ADAMTSL3: variants seen among roughly 807,000 people sequenced by gnomAD.
ADAMTSL3 encodes ADAMTS-like protein 3.
ADAMTSL3 carries 128 observed loss-of-function variants against 201.7 expected under a neutral mutation model. The ratio of observed to expected loss-of-function variants is 0.63; its 90% CI spans 0.55 to 0.73. The LOEUF (loss-of-function observed/expected upper bound fraction) is 0.73. Ranked by LOEUF, ADAMTSL3 falls within the 30% of genes least tolerant of loss-of-function variation. ADAMTSL3 has a pLI of 0.00. For synonymous variants in ADAMTSL3, 738 were observed against 748.4 expected, an observed-to-expected ratio of 0.99 and a Z score of 0.23; for missense variants, 1,990 against 2,119.6, an observed-to-expected ratio of 0.94 and a Z score of 1.20.
At chr15:83,956,330 C>T (rs1332664801) in intron 19 of ADAMTSL3, among the ~76,000 whole-genome samples, 1 of 152,230 alleles carries the variant, frequency 6.6e-6, no homozygotes, top group East Asian at 1.9e-4. Flanking sequence ...GCCATCTTTT[C>T]TGCCTTCTTC....
intron 4 of ADAMTSL3, among the ~76,000 whole-genome samples, chr15:83,801,852 T>C (rs2141856098): frequency 6.6e-6 from 1 of 150,618 alleles, no homozygotes; most frequent in African/African-American, 2.4e-5. Context: ...AGACCTTGAG[T>C]ATTCCATTCA....
chr15:84,011,630 G>A (rs889421332), intron 23 of ADAMTSL3, among the ~76,000 whole-genome samples: 1 of 151,940 alleles, frequency 6.6e-6, no homozygotes, highest in Admixed American at 6.6e-5. Context: ...GAAATCAGAA[G>A]TATACATATT....
At chr15:83,689,982 A>G (rs1391455009) in intron 2 of ADAMTSL3, among the ~76,000 whole-genome samples, 1 of 152,178 alleles carries the variant, frequency 6.6e-6, no homozygotes, top group Non-Finnish European at 1.5e-5. Context: ...AGGACTATTG[A>G]GATTTTCCTC....
chr15:83,687,500 G>T (rs1390927808), intron 2 of ADAMTSL3, among the ~76,000 whole-genome samples: 1 of 152,072 alleles, frequency 6.6e-6, no homozygotes, highest in Non-Finnish European at 1.5e-5. Flanking sequence ...CTGGGAAAAG[G>T]TGGGATCAGT....
intron 3 of ADAMTSL3, among the ~76,000 whole-genome samples, chr15:83,713,383 G>A (rs1355145470): frequency 6.6e-6 from 1 of 152,162 alleles, no homozygotes; most frequent in Non-Finnish European, 1.5e-5. Flanking sequence ...GTTGTGGCCT[G>A]TCCTCCTCAG....
At chr15:83,768,429 T>C (rs1161248079) in intron 3 of ADAMTSL3, among the ~76,000 whole-genome samples, 1 of 152,188 alleles carries the variant, frequency 6.6e-6, no homozygotes, top group Non-Finnish European at 1.5e-5. Context: ...TTAGGTTTTA[T>C]CTGAAGAAAC....
chr15:83,916,642 T>G (rs2066037861), intron 16 of ADAMTSL3, among the ~76,000 whole-genome samples: 1 of 152,040 alleles, frequency 6.6e-6, no homozygotes, highest in African/African-American at 2.4e-5. Flanking sequence ...ACCAAAATCC[T>G]TTATAAAGGC....
At chr15:83,887,870 C>T (rs1028690240) in intron 10 of ADAMTSL3, among the ~76,000 whole-genome samples, 3 of 152,212 alleles carry the variant, frequency 2.0e-5, no homozygotes, top group Non-Finnish European at 4.4e-5. Flanking sequence ...GGAGTGCAGG[C>T]GTGTGCCACC....
chr15:84,023,813 A>G (rs911311398), intron 26 of ADAMTSL3, among the ~76,000 whole-genome samples: 2 of 152,188 alleles, frequency 1.3e-5, no homozygotes, highest in African/African-American at 2.4e-5. Context: ...AAGGCTTCTC[A>G]TCATTTCTGT....
chr15:83,948,353 T>A (rs2066695631), intron 19 of ADAMTSL3, among the ~76,000 whole-genome samples: 1 of 151,358 alleles, frequency 6.6e-6, no homozygotes, highest in Admixed American at 6.6e-5. Flanking sequence ...TCATGGCTAT[T>A]TCCTCCAAGA....
intron 4 of ADAMTSL3, among the ~76,000 whole-genome samples, chr15:83,778,929 CAAAA>C (rs937207144): frequency 6.6e-6 from 1 of 151,906 alleles, no homozygotes; most frequent in African/African-American, 2.4e-5. Context: ...AAAAATCTAC[CAAAA>C]AAATGGAAAA....
At chr15:84,033,352 A>T (rs1024410828) in intron 28 of ADAMTSL3, among the ~76,000 whole-genome samples, 2 of 152,200 alleles carry the variant, frequency 1.3e-5, no homozygotes, top group Non-Finnish European at 2.9e-5. Context: ...CAAATCCTCA[A>T]TGTGACCTAT....
chr15:84,024,213 G>A (rs1311807537), intron 26 of ADAMTSL3, among the ~76,000 whole-genome samples: 5 of 152,136 alleles, frequency 3.3e-5, no homozygotes, highest in African/African-American at 4.8e-5. Flanking sequence ...CCGAGGTTGC[G>A]CCACTGCACT....
intron 21 of ADAMTSL3, among the ~76,000 whole-genome samples, chr15:83,985,743 C>T (rs2067463435): frequency 6.6e-6 from 1 of 152,106 alleles, no homozygotes; most frequent in Non-Finnish European, 1.5e-5. Flanking sequence ...AGTGATTCTC[C>T]TGCTTCAGCC....
intron 9 of ADAMTSL3, among the ~76,000 whole-genome samples, chr15:83,878,720 G>A (rs1386104060): frequency 1.3e-5 from 2 of 152,028 alleles, no homozygotes; most frequent in East Asian, 3.8e-4. Context: ...TTTCACTTAA[G>A]GTTTTTGTTG....
At chr15:83,671,042 ATT>A (rs1026374594) in intron 2 of ADAMTSL3, among the ~76,000 whole-genome samples, 2 of 149,454 alleles carry the variant, frequency 1.3e-5, no homozygotes, top group African/African-American at 4.9e-5. Context: ...GCCATGATAT[ATT>A]GTTTTTTTTA....
intron 4 of ADAMTSL3, among the ~76,000 whole-genome samples, chr15:83,779,014 A>T (rs2063123918): frequency 6.6e-6 from 1 of 152,234 alleles, no homozygotes; most frequent in Non-Finnish European, 1.5e-5. Context: ...ATTTAAAAAG[A>T]CGAAGGGTAT....
At chr15:83,745,196 T>C (rs905832947) in intron 3 of ADAMTSL3, among the ~76,000 whole-genome samples, 2 of 152,216 alleles carry the variant, frequency 1.3e-5, no homozygotes, top group Admixed American at 6.5e-5. Context: ...ATCACCTTCC[T>C]GGTCCATCCC....
At chr15:83,677,729 A>G (rs7169085) in intron 2 of ADAMTSL3, among the ~76,000 whole-genome samples, 10,083 of 152,046 alleles carry the variant, frequency 0.066, 1,083 homozygotes, top group African/African-American at 0.23. Flanking sequence ...GCCCATCTCT[A>G]TCTGGTATAT....
Sources: allele counts gnomAD v4.1 joint callset (sites outside exome capture counted in the v4.1 genomes callset), GRCh38; gene constraint gnomAD v4.1.1; transcripts MANE v1.5; gene names NCBI Gene and HGNC (gene_info 2026-07-23, HGNC 2026-07-21).